SKP2: variants seen among roughly 807,000 people sequenced by gnomAD.
The protein encoded by SKP2 is S-phase kinase-associated protein 2.
Under a neutral mutation model 51.8 loss-of-function variants are expected in SKP2, and 16 were observed. The observed-to-expected ratio is 0.31, with a 90% CI of 0.21 to 0.47. SKP2 has a LOEUF of 0.47. Ranked by LOEUF, SKP2 falls within the 20% of genes least tolerant of loss-of-function variation. The pLI, the probability that SKP2 is intolerant of heterozygous loss-of-function variation, is 1.00. For missense variants in SKP2, 377 were observed against 505.3 expected (o/e 0.75, Z 2.43); for synonymous variants, 176 against 198.6 (o/e 0.89, Z 0.96).
At chr5:36,190,684 A>G (rs1314279178) in intron 6 of SKP2, among the ~76,000 whole-genome samples, 2 of 23,924 alleles carry the variant, frequency 8.4e-5, no homozygotes, top group East Asian at 1.0e-3. Context: ...AAACATATGC[A>G]AAAAAAAAAA....
Position 36,181,926 on chromosome 5 carries a change from C to A in SKP2, c.1170C>A (p.Cys390Ter). 6.2e-7 allele frequency: 1 copy of A among 1,614,166 alleles called. No homozygotes were observed. The highest frequency in any genetic ancestry group is 8.5e-7 in the Non-Finnish European group (1 of 1,180,014). The part of the protein sequence containing the change: ...KEALPHLQIN[C>*]SHFTTIARPT... ...CCCTTCCTCATCTACAGATTAATTG[C>A]TCCCATTTCACCACCATTGCCAGGC... Residue 390 changes from cysteine to a stop codon, truncating the protein, a stop_gained, in exon 10 of 10, where the codon TGC becomes TGA. Transcript: ENST00000274255. LOFTEE classifies it high-confidence loss of function.
intron 2 of SKP2, among the ~76,000 whole-genome samples, chr5:36,154,340 G>A (rs1289529514): frequency 6.6e-6 from 1 of 152,108 alleles, no homozygotes; most frequent in Non-Finnish European, 1.5e-5. Flanking sequence ...GTGCATAAAT[G>A]TGACGTATTT....
rs771119592 is a variant in SKP2 at position 36,183,877 on chromosome 5, T to C, written c.*1846T>C. On this transcript the variant is annotated 3_prime_UTR_variant, in exon 10 of 10. Transcript: ENST00000274255. ...AGCTGGGGTTAGGATCCGGTTGGAC[T>C]CTGACATCGGATGCCCTCAAACATA... The C allele has an allele frequency of 1.6e-5, 25 of 1,608,838 alleles. No individual in the cohort carries two copies. The African/African-American group carries it at 3.2e-4, about 21-fold the overall frequency.
chr5:36,153,797 A>G (rs1744846605), intron 2 of SKP2, among the ~76,000 whole-genome samples: 1 of 152,108 alleles, frequency 6.6e-6, no homozygotes, highest in African/African-American at 2.4e-5. Context: ...TTCCCTCCTT[A>G]ATAGCTCCCC....
At chr5:36,187,826 A>T (rs183919948), downstream of SKP2, among the ~76,000 whole-genome samples, 1,182 of 152,266 alleles carry the variant, frequency 7.8e-3, 10 homozygotes, top group Admixed American at 0.01. Context: ...TCTAATGTTG[A>T]CAGTGGGGTG....
At position 36,183,780 on chromosome 5, in the gene SKP2, A is replaced by C. The variant is rs1745891611; in HGVS notation, c.*1749A>C. The C allele has an allele frequency of 2.0e-6, 3 of 1,480,014 alleles. No individual in the cohort carries two copies. 91.7% of individuals were successfully genotyped at this position (1,480,014 alleles called of 1,614,324 possible). On this transcript the variant is annotated 3_prime_UTR_variant, in exon 10 of 10. Coordinates refer to ENST00000274255, the MANE Select transcript of SKP2 (RefSeq NM_005983.4). ...AAGTTGGGTTGCACAGGAAATGATGATGCTTCAATTTCTTAATAGTTAAAA... is the reference window on the plus strand; with the variant it reads ...AAGTTGGGTTGCACAGGAAATGATGCTGCTTCAATTTCTTAATAGTTAAAA...
At position 36,182,491 on chromosome 5, in the gene SKP2, G is replaced by T; in HGVS notation, c.*460G>T. 1 of 987,580 alleles carries T rather than the reference G, an allele frequency of 1.0e-6. No individual in the cohort carries two copies. The highest frequency in any genetic ancestry group is 1.2e-6 in the Non-Finnish European group (1 of 831,210). 61.2% of individuals were successfully genotyped at this position (987,580 alleles called of 1,614,324 possible). A position where few individuals can be genotyped will look rare whatever the true frequency, so the allele number is the denominator to read the frequency against. On this transcript the variant is annotated 3_prime_UTR_variant, in exon 10 of 10. Coordinates refer to ENST00000274255, the MANE Select transcript of SKP2 (RefSeq NM_005983.4). The stretch of plus-strand genomic sequence containing the variant: ...ATTTGTATTATGAGCTGAACAAAAA[G>T]AGAATCATAGGATAGTAGCGTCTGA...
intron 7 of SKP2, among the ~76,000 whole-genome samples, chr5:36,176,604 T>C (rs1337047762): frequency 1.3e-5 from 2 of 151,936 alleles, no homozygotes; most frequent in African/African-American, 4.8e-5. Flanking sequence ...ATTTCTCTTG[T>C]TGATCTGAGG....
chr5:36,154,155 G>A (rs1744863877), intron 2 of SKP2, among the ~76,000 whole-genome samples: 1 of 152,124 alleles, frequency 6.6e-6, no homozygotes, highest in South Asian at 2.1e-4. Context: ...AGCCAAGAGG[G>A]AATGCAGGTC....
chr5:36,155,989 G>A (rs33676), intron 2 of SKP2, among the ~76,000 whole-genome samples: 134,125 of 152,180 alleles, frequency 0.88, 59,720 homozygotes, highest in Non-Finnish European at 0.94. Flanking sequence ...CACTCAGCAA[G>A]AAAGGAGATT....
rs757953419 is a variant in SKP2 at position 36,152,872 on chromosome 5, G to A, written c.110G>A (p.Gly37Glu). ...SKTSELLSGM[G>E]VSALEKEEPD... Reference sequence around the variant, plus strand: ...ACTTCTGAACTGCTGTCAGGCATGGGGGTCTCCGCCCTGGAGAAAGAGGAG... The same window carrying A: ...ACTTCTGAACTGCTGTCAGGCATGGAGGTCTCCGCCCTGGAGAAAGAGGAG... Residue 37 changes from glycine (G) to glutamate (E), a missense_variant, in exon 2 of 10, where the codon GGG becomes GAG. Physicochemically the swap from Gly to Glu is moderately conservative, Grantham distance 98. Transcript: ENST00000274255. 33 of 1,613,978 alleles carry A rather than the reference G, an allele frequency of 2.0e-5. No homozygotes were observed. Among genetic ancestry groups the A allele is most frequent in the Non-Finnish European group, 2.8e-5 (33 of 1,180,026 alleles).
At chr5:36,184,685 C>G (rs1185518184), downstream of SKP2, among the ~76,000 whole-genome samples, 3 of 152,110 alleles carry the variant, frequency 2.0e-5, no homozygotes, top group Non-Finnish European at 4.4e-5. Context: ...GGGTTGGTTC[C>G]AAGTCTTTGC....
At chr5:36,152,726 G>C (rs1164758351) in intron 1 of SKP2, 45 bp from the exon 2 acceptor site, 1 of 1,586,686 alleles carries the variant, frequency 6.3e-7, no homozygotes, top group Admixed American at 1.7e-5. Flanking sequence ...AATTATTTAT[G>C]GGTGTGTTTT....
intron 7 of SKP2, among the ~76,000 whole-genome samples, chr5:36,175,789 G>A (rs1020929189): frequency 6.6e-6 from 1 of 151,850 alleles, no homozygotes; most frequent in African/African-American, 2.4e-5. Flanking sequence ...ATAATGATTA[G>A]CAGTGTATTT....
chr5:36,161,934 T>C (rs1156392628), intron 2 of SKP2, among the ~76,000 whole-genome samples: 1 of 152,256 alleles, frequency 6.6e-6, no homozygotes, highest in East Asian at 1.9e-4. Flanking sequence ...TCCTTCATTG[T>C]GCATTTATTT....
rs921346846 is a variant in SKP2, at chr5:36,181,818, T to G, written c.1062T>G (p.Leu354=). ...RCYDIIPETL[L]ELGEIPTLKT... ...TGAAAGTCTTTTTCTTCCTTTCCAG[T>G]GAACTTGGAGAAATTCCCACACTAA... The change falls in exon 10 of 10, where the codon CTT becomes CTG. Residue 354 remains leucine, a splice_region_variant and synonymous_variant. Transcript: ENST00000274255. The G allele has an allele frequency of 6.2e-7, 1 of 1,613,792 alleles. No individual in the cohort carries two copies. The highest frequency in any genetic ancestry group is 8.5e-7 in the Non-Finnish European group (1 of 1,179,688).
At chr5:36,179,115 C>T (rs1745725769) in intron 9 of SKP2, among the ~76,000 whole-genome samples, 1 of 152,098 alleles carries the variant, frequency 6.6e-6, no homozygotes, top group Admixed American at 6.6e-5. Context: ...AAGAAAGATC[C>T]TGTCCTTGAA....
Position 36,152,786 on chromosome 5 carries a change from G to A in SKP2, c.24G>A (p.Glu8=). MHRKHLQ[E]IPDLSSNVAT... ...ACTTCTGCAGGAAGCACCTCCAGGA[G>A]ATTCCAGACCTGAGTAGCAACGTTG... Residue 8 remains glutamate, a synonymous_variant, in exon 2 of 10, where the codon GAG becomes GAA. Transcript: ENST00000274255. 6.2e-7 allele frequency: 1 copy of A among 1,613,762 alleles called. No homozygotes were observed. Among genetic ancestry groups the A allele is most frequent in the Non-Finnish European group, 8.5e-7 (1 of 1,179,998 alleles).
In SKP2 at chr5:36,182,019, C is replaced by A; in HGVS notation, c.1263C>A (p.Pro421=). 1 of 1,614,070 alleles carries A rather than the reference C, an allele frequency of 6.2e-7. No homozygotes were observed. The highest frequency in any genetic ancestry group is 8.5e-7 in the Non-Finnish European group (1 of 1,179,970). ...GIKCRLTLQK[P]SCL is the part of the protein sequence containing the mutation. ...AATGCCGACTGACACTGCAAAAGCC[C>A]AGTTGTCTATGAAGTATTTATTGCA... The change falls in exon 10 of 10, where the codon CCC becomes CCA. Residue 421 remains proline, a synonymous_variant. Coordinates refer to ENST00000274255, the MANE Select transcript of SKP2 (RefSeq NM_005983.4).
Sources: gnomAD v4.1 joint callset for allele counts (sites outside exome capture counted in the v4.1 genomes callset) on GRCh38, gnomAD v4.1.1 for gene constraint, MANE v1.5 for transcripts, NCBI Gene and HGNC (gene_info 2026-07-23, HGNC 2026-07-21) for gene names.